The following EMID1 variants were observed in gnomAD, a reference collection of about 807,000 sequenced individuals.
EMID1 encodes the protein EMI domain-containing protein 1.
Under a neutral mutation model 60.6 loss-of-function variants are expected in EMID1, and 40 were observed. The ratio of observed to expected loss-of-function variants is 0.66; its 90% confidence interval spans 0.51 to 0.86. The LOEUF (loss-of-function observed/expected upper bound fraction) is 0.86. Ranked by LOEUF, EMID1 falls within the 40% of genes least tolerant of loss-of-function variation. The probability of loss-of-function intolerance (pLI) is 0.00; values close to 1 mark genes in which losing one functional copy is unlikely to be tolerated. For missense variants in EMID1, 585 were observed against 597.1 expected (o/e 0.98, Z 0.21); for synonymous variants, 242 against 231.0 (o/e 1.05, Z -0.43).
intron 13 of EMID1, among the ~76,000 whole-genome samples, chr22:29,245,573 G>A (rs2041300502): frequency 6.6e-6 from 1 of 152,198 alleles, no homozygotes; most frequent in African/African-American, 2.4e-5. Context: ...GAAGCTTTGG[G>A]GGCTGGGGGA....
intron 14 of EMID1, among the ~76,000 whole-genome samples, chr22:29,256,726 G>A (rs1166471371): frequency 2.0e-5 from 3 of 152,068 alleles, no homozygotes; most frequent in East Asian, 1.9e-4. Context: ...TGTCCCTAGG[G>A]GTTGGAGAAG....
At chr22:29,251,812 A>C (rs529539808) in intron 13 of EMID1, among the ~76,000 whole-genome samples, 2 of 152,100 alleles carry the variant, frequency 1.3e-5, no homozygotes, top group Middle Eastern at 3.4e-3. Context: ...CTATAGGTGC[A>C]CACCACCAAG....
chr22:29,245,774 C>G (rs2146395132), intron 13 of EMID1, among the ~76,000 whole-genome samples: 1 of 152,328 alleles, frequency 6.6e-6, no homozygotes. Flanking sequence ...GGCCTGCCCA[C>G]CTGGATCAAA....
At chr22:29,243,601 A>G (rs1409137258) in intron 13 of EMID1, 112 bp downstream of exon 13, 2 of 1,243,508 alleles carry the variant, frequency 1.6e-6, no homozygotes, top group Non-Finnish European at 2.3e-6. Context: ...CCACATCCCC[A>G]CTACAGCCTG....
intron 1 of EMID1, among the ~76,000 whole-genome samples, chr22:29,206,343 A>C: frequency 6.6e-6 from 1 of 151,244 alleles, no homozygotes; most frequent in East Asian, 1.9e-4. Flanking sequence ...TGCCTCCCCT[A>C]CTCCCTCCCT....
At chr22:29,256,800 G>C (rs2041724365) in intron 14 of EMID1, among the ~76,000 whole-genome samples, 1 of 152,156 alleles carries the variant, frequency 6.6e-6, no homozygotes, top group Non-Finnish European at 1.5e-5. Context: ...GCCAGGTGGG[G>C]AAGTGGGTCG....
Position 29,254,188 on chromosome 22 carries a change from C to T in EMID1, c.1120-15C>T, listed in dbSNP as rs368104883. 1.2e-6 allele frequency: 2 copies of T among 1,613,720 alleles called. No homozygotes were observed. The highest frequency in any genetic ancestry group is 2.7e-5 in the African/African-American group (2 of 74,940). On this transcript the variant is annotated splice_polypyrimidine_tract_variant and intron_variant, in intron 13 of 14. Transcript: ENST00000334018. ...CTGCCCCCTTCACGGCTGCATCTGT[C>T]TCTTTCCTCCACAGGGGGAGGGGTT... is the stretch of plus-strand genomic sequence containing the variant.
intron 5 of EMID1, 126 bp from the exon 6 acceptor site, chr22:29,230,894 T>A (rs2040714697): frequency 7.8e-7 from 1 of 1,280,008 alleles, no homozygotes; most frequent in African/African-American, 1.5e-5. Context: ...TGGTTGAGGC[T>A]GCATGAGCCG....
At position 29,254,990 on chromosome 22, in the gene EMID1, C is replaced by T. The variant is rs143813102; in HGVS notation, c.1204+703C>T. On this transcript the variant is annotated intron_variant, in intron 14 of 14. Transcript: ENST00000334018. Reference sequence around the variant, plus strand: ...GCAGTTTTCCCTTTGGTCCTCCTAACCTGTTCTGTTGGTCCCTTTAGGGGA... The same window carrying T: ...GCAGTTTTCCCTTTGGTCCTCCTAATCTGTTCTGTTGGTCCCTTTAGGGGA... 7.2e-5 allele frequency among the ~76,000 whole-genome samples: 11 copies of T among 152,166 alleles called. No homozygotes were observed. The East Asian group carries it at 2.1e-3, about 29-fold the overall frequency.
intron 13 of EMID1, among the ~76,000 whole-genome samples, chr22:29,250,123 G>A (rs2041472555): frequency 1.3e-5 from 2 of 152,170 alleles, no homozygotes; most frequent in South Asian, 4.1e-4. Flanking sequence ...GGGTGTGGTG[G>A]TGCACACCTG....
chr22:29,250,513 T>C (rs1181579305), intron 13 of EMID1, among the ~76,000 whole-genome samples: 1 of 152,202 alleles, frequency 6.6e-6, no homozygotes, highest in African/African-American at 2.4e-5. Flanking sequence ...TGATGTCAGC[T>C]TGTCCCATTG....
intron 1 of EMID1, among the ~76,000 whole-genome samples, chr22:29,213,206 C>T (rs2146126990): frequency 6.6e-6 from 1 of 152,320 alleles, no homozygotes; most frequent in East Asian, 1.9e-4. Flanking sequence ...GGTCTCAGGT[C>T]AGCACGCAGA....
intron 1 of EMID1, among the ~76,000 whole-genome samples, chr22:29,211,663 C>T (rs768146514): frequency 1.2e-4 from 19 of 152,204 alleles, no homozygotes; most frequent in South Asian, 2.1e-4. Flanking sequence ...CGTGCATTTG[C>T]GTGTGCAGGC....
chr22:29,251,896 C>G (rs914796107), intron 13 of EMID1, among the ~76,000 whole-genome samples: 1 of 152,134 alleles, frequency 6.6e-6, no homozygotes, highest in African/African-American at 2.4e-5. Flanking sequence ...CACTCCTGAC[C>G]TCAAGTGATC....
At chr22:29,218,135 C>T (rs1238830207) in intron 3 of EMID1, among the ~76,000 whole-genome samples, 2 of 152,256 alleles carry the variant, frequency 1.3e-5, no homozygotes, top group African/African-American at 4.8e-5. Context: ...GGTAGATGCT[C>T]CGCAAATGTC....
intron 1 of EMID1, among the ~76,000 whole-genome samples, chr22:29,210,968 G>A (rs2039860203): frequency 6.6e-6 from 1 of 152,194 alleles, no homozygotes. Flanking sequence ...GTGTGTGTGT[G>A]TGTACACATG....
Position 29,215,155 on chromosome 22 carries a change from G to A in EMID1, c.215+116G>A, listed in dbSNP as rs1276716118. The A allele has an allele frequency of 3.0e-5, 43 of 1,426,166 alleles. No individual in the cohort carries two copies. In the South Asian group the frequency reaches 4.0e-4, roughly 13 times the overall value. 88.3% of individuals were successfully genotyped at this position (1,426,166 alleles called of 1,614,324 possible). On this transcript the variant is annotated intron_variant, in intron 2 of 14. Coordinates refer to ENST00000334018, the MANE Select transcript of EMID1 (RefSeq NM_133455.4). ...GGGAAGACTGGACCCCAGGGTGGGC[G>A]GAGCAAAGGTAGCATCAGCCGACAC...
chr22:29,231,465 A>T, intron 6 of EMID1, 128 bp from the exon 7 acceptor site: 1 of 1,017,278 alleles, frequency 9.8e-7, no homozygotes, highest in Admixed American at 2.0e-5. Flanking sequence ...CAGGGCTGCC[A>T]GGAGCCATAG....
At chr22:29,209,271 T>C (rs1200332090) in intron 1 of EMID1, among the ~76,000 whole-genome samples, 3 of 152,096 alleles carry the variant, frequency 2.0e-5, no homozygotes, top group African/African-American at 7.2e-5. Flanking sequence ...GCTGAGCTGG[T>C]CTGGCCTGTT....
Sources: gnomAD v4.1 joint callset for allele counts (sites outside exome capture counted in the v4.1 genomes callset) on GRCh38, gnomAD v4.1.1 for gene constraint, MANE v1.5 for transcripts, NCBI Gene and HGNC (gene_info 2026-07-23, HGNC 2026-07-21) for gene names.